The following TASP1 variants were observed in gnomAD, a reference collection of about 807,000 sequenced individuals.
The protein encoded by TASP1 is taspase 1.
Under a neutral mutation model 56.6 loss-of-function variants are expected in TASP1, and 16 were observed. That is an observed-to-expected ratio of 0.28 (90% CI 0.19 to 0.43). The LOEUF (loss-of-function observed/expected upper bound fraction) is 0.43. TASP1 is among the 20% of genes least tolerant of loss of function. The pLI is 1.00. For missense variants in TASP1, 393 were observed against 511.6 expected (o/e 0.77, Z 2.24); for synonymous variants, 179 against 184.2 (o/e 0.97, Z 0.23).
At chr20:13,437,292 T>G (rs2043038127) in intron 11 of TASP1, among the ~76,000 whole-genome samples, 1 of 152,160 alleles carries the variant, frequency 6.6e-6, no homozygotes, top group Non-Finnish European at 1.5e-5. Flanking sequence ...GAAAAGGCCT[T>G]TGACAAAATT....
chr20:13,295,884 T>C, the TASP1 span, among the ~76,000 whole-genome samples: 1 of 152,172 alleles, frequency 6.6e-6, no homozygotes, highest in Non-Finnish European at 1.5e-5. Context: ...AGGCTGCTGG[T>C]CAGCAAAGCA....
chr20:13,215,984 T>G, the TASP1 span, among the ~76,000 whole-genome samples: 1 of 152,254 alleles, frequency 6.6e-6, no homozygotes, highest in African/African-American at 2.4e-5. Context: ...CACTTCAGGC[T>G]TTCTGTTCGT....
At chr20:13,370,165 C>CGAGAAA in the TASP1 span, among the ~76,000 whole-genome samples, 1 of 152,058 alleles carries the variant, frequency 6.6e-6, no homozygotes, top group Non-Finnish European at 1.5e-5. Flanking sequence ...TATAAAAATT[C>CGAGAAA]TTCAACAAGC....
the TASP1 span, among the ~76,000 whole-genome samples, chr20:13,275,566 G>A: frequency 6.6e-6 from 1 of 152,184 alleles, no homozygotes. Context: ...GTAGCCCCAT[G>A]CGGGTTACTG....
At chr20:13,288,617 AC>A in the TASP1 span, 1 of 1,613,932 alleles carries the variant, frequency 6.2e-7, no homozygotes, top group Non-Finnish European at 8.5e-7. Context: ...CCAGAAACGG[AC>A]CCGGTCTTGT....
At chr20:13,139,017 C>T in the TASP1 span, among the ~76,000 whole-genome samples, 1 of 152,196 alleles carries the variant, frequency 6.6e-6, no homozygotes, top group Non-Finnish European at 1.5e-5. Context: ...AGCTAATCCT[C>T]TCTATCCAAG....
the TASP1 span, among the ~76,000 whole-genome samples, chr20:13,118,669 T>C: frequency 1.3e-5 from 2 of 152,158 alleles, no homozygotes; most frequent in Admixed American, 1.3e-4. Context: ...TGGCTCAGCC[T>C]AGGATGCCAC....
chr20:13,409,047 T>C (rs895299040), intron 13 of TASP1, among the ~76,000 whole-genome samples: 8 of 152,092 alleles, frequency 5.3e-5, no homozygotes, highest in African/African-American at 1.9e-4. Context: ...GCTTAACTCA[T>C]TTATTTTAAA....
At chr20:13,433,841 TAAAAAAAA>T (rs111973613) in intron 12 of TASP1, among the ~76,000 whole-genome samples, 14 of 116,188 alleles carry the variant, frequency 1.2e-4, no homozygotes, top group African/African-American at 4.7e-4. Context: ...GTGTTTGTAT[TAAAAAAAA>T]AAAAAAAAAA....
At chr20:13,239,593 C>T in the TASP1 span, 1 of 152,214 alleles carries the variant, frequency 6.6e-6, no homozygotes, top group African/African-American at 2.4e-5. Context: ...TACTCACATA[C>T]ACAAGGGTCA....
chr20:13,472,303 C>A (rs560477734), intron 11 of TASP1, among the ~76,000 whole-genome samples: 1 of 150,934 alleles, frequency 6.6e-6, no homozygotes, highest in Non-Finnish European at 1.5e-5. Flanking sequence ...GAAACTGGAT[C>A]CCCTCTTTAC....
At chr20:13,422,620 C>A (rs2042483897) in intron 12 of TASP1, among the ~76,000 whole-genome samples, 1 of 152,306 alleles carries the variant, frequency 6.6e-6, no homozygotes, top group South Asian at 2.1e-4. Flanking sequence ...CCATGAGACA[C>A]TACCATCTTC....
At chr20:13,562,784 G>A (rs1053788376) in intron 7 of TASP1, among the ~76,000 whole-genome samples, 21 of 151,438 alleles carry the variant, frequency 1.4e-4, no homozygotes, top group African/African-American at 5.1e-4. Context: ...AGCTGAGATG[G>A]GAGAATCATC....
At chr20:13,510,218 A>G (rs1008086876) in intron 10 of TASP1, among the ~76,000 whole-genome samples, 5 of 152,224 alleles carry the variant, frequency 3.3e-5, no homozygotes, top group Admixed American at 3.3e-4. Context: ...ACAGCATTAT[A>G]CTATGTCATA....
intron 10 of TASP1, among the ~76,000 whole-genome samples, chr20:13,511,228 C>G (rs1482399827): frequency 2.0e-5 from 3 of 150,584 alleles, no homozygotes; most frequent in Admixed American, 1.3e-4. Flanking sequence ...CTCTGGAGAT[C>G]TTTTTGTGAT....
chr20:13,124,653 C>A, the TASP1 span, among the ~76,000 whole-genome samples: 1 of 152,102 alleles, frequency 6.6e-6, no homozygotes, highest in African/African-American at 2.4e-5. Context: ...CCTCATGGAC[C>A]AGGCAGAGTC....
At chr20:13,473,329 G>A (rs6042144) in intron 11 of TASP1, among the ~76,000 whole-genome samples, 2,413 of 151,296 alleles carry the variant, frequency 0.016, 68 homozygotes, top group African/African-American at 0.054. Context: ...ACACACCGGG[G>A]CCTGTTGTGG....
chr20:13,248,817 G>A, the TASP1 span, among the ~76,000 whole-genome samples: 1 of 152,118 alleles, frequency 6.6e-6, no homozygotes, highest in Non-Finnish European at 1.5e-5. Flanking sequence ...GGAAGCCAGT[G>A]GAATAAATAT....
chr20:13,204,954 T>C, the TASP1 span, among the ~76,000 whole-genome samples: 1 of 151,870 alleles, frequency 6.6e-6, no homozygotes, highest in South Asian at 2.1e-4. Context: ...AGGCCCAGAC[T>C]CCCCTCCAAG....
Sources: allele counts gnomAD v4.1 joint callset (sites outside exome capture counted in the v4.1 genomes callset), GRCh38; gene constraint gnomAD v4.1.1; transcripts MANE v1.5; gene names NCBI Gene and HGNC (gene_info 2026-07-23, HGNC 2026-07-21).